Variants in RUNX1 observed in about 807,000 individuals in gnomAD.
RUNX1 encodes the protein runt-related transcription factor 1.
A neutral mutation model predicts 42.8 loss-of-function variants in RUNX1; 19 were observed. The observed-to-expected ratio is 0.44, with a 90% CI of 0.31 to 0.65. The LOEUF is 0.65. Among genes scored for constraint, RUNX1 ranks in the 30% least tolerant of loss-of-function variants. The pLI is 0.07. For missense variants in RUNX1, 528 were observed against 672.0 expected (o/e 0.79, Z 2.37); for synonymous variants, 271 against 289.4 (o/e 0.94, Z 0.64).
chr21:34,980,652 C>T (rs773009390), intron 2 of RUNX1, among the ~76,000 whole-genome samples: 6 of 151,852 alleles, frequency 4.0e-5, no homozygotes, highest in South Asian at 2.1e-4. Flanking sequence ...CCATTACTGA[C>T]GGAAAGTGAA....
intron 2 of RUNX1, among the ~76,000 whole-genome samples, chr21:35,023,132 C>G (rs995435933): frequency 4.0e-5 from 6 of 151,808 alleles, no homozygotes; most frequent in Non-Finnish European, 7.4e-5. Context: ...TTTGTAGAGA[C>G]AGGGTTTTGC....
At chr21:34,962,828 C>T (rs2058690942) in intron 2 of RUNX1, among the ~76,000 whole-genome samples, 1 of 152,254 alleles carries the variant, frequency 6.6e-6, no homozygotes, top group Admixed American at 6.5e-5. Context: ...TTTCCTGCCT[C>T]ACCGTTGTCA....
chr21:34,906,760 A>G (rs919363482), intron 2 of RUNX1, among the ~76,000 whole-genome samples: 1 of 152,220 alleles, frequency 6.6e-6, no homozygotes, highest in Non-Finnish European at 1.5e-5. Flanking sequence ...CTCTCCAGTT[A>G]AAGGGGATTT....
intron 2 of RUNX1, among the ~76,000 whole-genome samples, chr21:34,911,936 T>C (rs1225153538): frequency 1.3e-5 from 2 of 152,110 alleles, no homozygotes; most frequent in African/African-American, 4.8e-5. Flanking sequence ...GTAACCCCGC[T>C]CCCTACCCCT....
rs1006363942 is a variant in RUNX1 at position 34,790,837 on chromosome 21, G to T, written c.*1298C>A. 4.3e-6 allele frequency: 1 copy of T among 233,126 alleles called. No homozygotes were observed. The highest frequency in any genetic ancestry group is 6.0e-5 in the East Asian group (1 of 16,590). 14.4% of individuals were successfully genotyped at this position (233,126 alleles called of 1,614,324 possible). A position where few individuals can be genotyped will look rare whatever the true frequency, so the allele number is the denominator to read the frequency against. On this transcript the variant is annotated 3_prime_UTR_variant, in exon 9 of 9. Transcript: ENST00000675419. ...CGTAACCCCTAAATTCATTGATTTG[G>T]TTCCTATGTAAATGTGGCTCCCCTA...
intron 2 of RUNX1, among the ~76,000 whole-genome samples, chr21:34,934,631 G>T (rs1193384647): frequency 6.6e-6 from 1 of 152,124 alleles, no homozygotes; most frequent in South Asian, 2.1e-4. Flanking sequence ...GGTGCTTTAG[G>T]GGGCATTAAA....
At chr21:34,872,668 T>C (rs1011303398) in intron 5 of RUNX1, among the ~76,000 whole-genome samples, 2 of 152,122 alleles carry the variant, frequency 1.3e-5, no homozygotes, top group Non-Finnish European at 2.9e-5. Context: ...CTATGCATGA[T>C]CAGGGCGAGA....
At chr21:34,892,147 A>G (rs1216228522) in intron 3 of RUNX1, among the ~76,000 whole-genome samples, 1 of 152,250 alleles carries the variant, frequency 6.6e-6, no homozygotes, top group African/African-American at 2.4e-5. Context: ...GACCATTTAC[A>G]TTTTAAAAAA....
chr21:34,939,779 A>C (rs1483865213), intron 2 of RUNX1, among the ~76,000 whole-genome samples: 4 of 152,200 alleles, frequency 2.6e-5, no homozygotes. Context: ...CAGCGTCTAT[A>C]AGAGTGGTTT....
intron 5 of RUNX1, among the ~76,000 whole-genome samples, chr21:34,866,750 C>T (rs143249769): frequency 3.0e-3 from 451 of 152,256 alleles, no homozygotes; most frequent in Non-Finnish European, 4.0e-3. Flanking sequence ...ATTAAGATGT[C>T]GGCGTACTGT....
chr21:34,981,584 A>G (rs1386483754), intron 2 of RUNX1, among the ~76,000 whole-genome samples: 4 of 152,236 alleles, frequency 2.6e-5, no homozygotes, highest in Admixed American at 2.6e-4. Flanking sequence ...TTCATTATTT[A>G]TGGATTTAGT....
chr21:34,829,905 T>C (rs1422170726), intron 7 of RUNX1: 1 of 152,148 alleles, frequency 6.6e-6, no homozygotes, highest in Non-Finnish European at 1.5e-5. Flanking sequence ...GGTGGAAAGG[T>C]TTTCTTCCTT....
chr21:35,028,353 A>G (rs1438503213), intron 2 of RUNX1, among the ~76,000 whole-genome samples: 4 of 152,084 alleles, frequency 2.6e-5, no homozygotes, highest in Non-Finnish European at 5.9e-5. Flanking sequence ...TTTAAGTTCA[A>G]CCTTCTCACT....
chr21:34,939,828 A>G (rs2058513501), intron 2 of RUNX1, among the ~76,000 whole-genome samples: 1 of 152,210 alleles, frequency 6.6e-6, no homozygotes, highest in Non-Finnish European at 1.5e-5. Context: ...TGATCTTTGT[A>G]TCACTTTGTT....
chr21:34,908,440 G>A (rs995579096), intron 2 of RUNX1, among the ~76,000 whole-genome samples: 5 of 152,192 alleles, frequency 3.3e-5, no homozygotes, highest in Non-Finnish European at 2.9e-5. Context: ...AAAAAAAGTA[G>A]TATAAAACAT....
At chr21:34,815,597 G>A (rs964965618) in intron 7 of RUNX1, among the ~76,000 whole-genome samples, 1 of 152,176 alleles carries the variant, frequency 6.6e-6, no homozygotes, top group Non-Finnish European at 1.5e-5. Flanking sequence ...CTGGAACCAA[G>A]AACAATCTAG....
At position 34,901,813 on chromosome 21, in the gene RUNX1, G is replaced by A. The variant is rs2058179981; in HGVS notation, c.59-8850C>T. 1.3e-5 allele frequency among the ~76,000 whole-genome samples: 2 copies of A among 152,282 alleles called. No individual in the cohort carries two copies. The highest frequency in any genetic ancestry group is 6.5e-5 in the Admixed American group (1 of 15,296). On this transcript the variant is annotated intron_variant, in intron 2 of 8. Coordinates refer to ENST00000675419, the MANE Select transcript of RUNX1 (RefSeq NM_001754.5). The surrounding 1 kb of genome is among the most constrained non-coding windows in gnomAD (Gnocchi z 4.3). ...TCCAAGTGGAGCATCTGAAAATTGCGCTCCAGGGAGGGGAGTTTAGGGACT... is the reference window on the plus strand; with the variant it reads ...TCCAAGTGGAGCATCTGAAAATTGCACTCCAGGGAGGGGAGTTTAGGGACT...
chr21:34,854,812 T>C lies in RUNX1; in HGVS notation c.613+4662A>G, dbSNP rs189539040. On this transcript the variant is annotated intron_variant, in intron 6 of 8. Coordinates refer to ENST00000675419, the MANE Select transcript of RUNX1 (RefSeq NM_001754.5). ...TCCACCCAAAAGGAATCCCGTGAGC[T>C]CTAGACATGGTCATCCTTGCCTGTG... is the stretch of plus-strand genomic sequence containing the variant. Among the ~76,000 whole-genome samples, 332 of 152,118 alleles carry C rather than the reference T, an allele frequency of 2.2e-3. 4 individuals carry two copies. The highest frequency in any genetic ancestry group is 6.8e-3 in the Middle Eastern group (2 of 294).
chr21:34,925,728 T>C (rs2146571701), intron 2 of RUNX1, among the ~76,000 whole-genome samples: 2 of 152,288 alleles, frequency 1.3e-5, no homozygotes, highest in South Asian at 4.1e-4. Context: ...AGGGAACAAA[T>C]ACAGCTAATT....
Sources: allele counts gnomAD v4.1 joint callset (sites outside exome capture counted in the v4.1 genomes callset), GRCh38; gene constraint gnomAD v4.1.1; non-coding constraint Gnocchi (gnomAD v3.1); transcripts MANE v1.5; gene names NCBI Gene and HGNC (gene_info 2026-07-23, HGNC 2026-07-21).